The following SLIT3 variants were observed in gnomAD, a reference collection of about 807,000 sequenced individuals.
The protein encoded by SLIT3 is slit guidance ligand 3, also known as slit homolog 3 protein.
In SLIT3, 68 loss-of-function variants were observed where a neutral mutation model predicts 184.0. The observed-to-expected ratio is 0.37, with a 90% CI of 0.30 to 0.45. SLIT3 has a LOEUF of 0.45. Ranked by LOEUF, SLIT3 falls within the 20% of genes least tolerant of loss-of-function variation. The pLI is 1.00. For missense variants in SLIT3, 1,707 were observed against 2,026.0 expected, an observed-to-expected ratio of 0.84 and a Z score of 3.02; for synonymous variants, 831 against 828.6, an observed-to-expected ratio of 1.00 and a Z score of -0.05.
At chr5:168,994,088 A>T (rs1386438565) in intron 4 of SLIT3, 1 of 152,166 alleles carries the variant, frequency 6.6e-6, no homozygotes, top group African/African-American at 2.4e-5. Context: ...GAGACGGTGG[A>T]GAAGAAAAAG....
chr5:168,719,915 T>C (rs1762883095), intron 23 of SLIT3: 1 of 152,160 alleles, frequency 6.6e-6, no homozygotes, highest in South Asian at 2.1e-4. Context: ...CTATTAATTC[T>C]CTTTTTTTTT....
At chr5:169,106,658 A>T (rs61199466) in intron 4 of SLIT3, among the ~76,000 whole-genome samples, 3,753 of 152,228 alleles carry the variant, frequency 0.025, 90 homozygotes, top group East Asian at 0.067. Flanking sequence ...GCTACTGTAC[A>T]TACTGCATCC....
At chr5:169,179,032 TTGG>T (rs1763067740) in intron 4 of SLIT3, among the ~76,000 whole-genome samples, 1 of 152,108 alleles carries the variant, frequency 6.6e-6, no homozygotes, top group Non-Finnish European at 1.5e-5. Flanking sequence ...AAACAGTAGG[TTGG>T]TGGTACAGCT....
In SLIT3 at chr5:168,844,672, G is replaced by A; in HGVS notation, c.486-17C>T. 6.2e-7 allele frequency: 1 copy of A among 1,613,910 alleles called. No homozygotes were observed. The highest frequency in any genetic ancestry group is 8.5e-7 in the Non-Finnish European group (1 of 1,179,866). ...TCCAGTTGCCTGTGGAAAAGCAGGG[G>A]AGAGCATGAAGGCTGAGCGGGGGCA... On this transcript the variant is annotated splice_polypyrimidine_tract_variant and intron_variant, in intron 5 of 35. Transcript: ENST00000519560.
At chr5:169,038,369 C>G (rs1485378578) in intron 4 of SLIT3, among the ~76,000 whole-genome samples, 1 of 152,176 alleles carries the variant, frequency 6.6e-6, no homozygotes. Flanking sequence ...ACAATGTACA[C>G]ATATGGAATA....
chr5:168,781,891 C>T (rs1445707414), intron 12 of SLIT3, among the ~76,000 whole-genome samples: 1 of 152,192 alleles, frequency 6.6e-6, no homozygotes, highest in East Asian at 1.9e-4. Context: ...AGTCACTTAA[C>T]CCTCAGTTTC....
intron 1 of SLIT3, among the ~76,000 whole-genome samples, chr5:169,265,174 A>G (rs2113621183): frequency 6.6e-6 from 1 of 152,124 alleles, no homozygotes; most frequent in South Asian, 2.1e-4. Context: ...CAAACAAACA[A>G]ACAAACAAAA....
chr5:168,799,011 G>T (rs1561939208), intron 9 of SLIT3, among the ~76,000 whole-genome samples: 1 of 152,194 alleles, frequency 6.6e-6, no homozygotes, highest in Non-Finnish European at 1.5e-5. Context: ...ACCAGGCTTT[G>T]CTGAATGCCA....
At chr5:168,815,809 GGAGTCCAGCA>G (rs1156706131) in intron 8 of SLIT3, among the ~76,000 whole-genome samples, 1 of 152,184 alleles carries the variant, frequency 6.6e-6, no homozygotes, top group Non-Finnish European at 1.5e-5. Context: ...TGGCCATACT[GGAGTCCAGCA>G]GCCCATGCTG....
At chr5:168,906,044 T>C (rs1761041867) in intron 4 of SLIT3, among the ~76,000 whole-genome samples, 1 of 152,154 alleles carries the variant, frequency 6.6e-6, no homozygotes, top group Admixed American at 6.6e-5. Context: ...CAAGCCCGAA[T>C]TTCCACCCCA....
At chr5:169,250,910 A>T (rs1413029588) in intron 2 of SLIT3, among the ~76,000 whole-genome samples, 1 of 152,186 alleles carries the variant, frequency 6.6e-6, no homozygotes, top group Non-Finnish European at 1.5e-5. Flanking sequence ...TGCCCATTTC[A>T]AATTTTGCTA....
At chr5:168,795,032 C>T (rs1002863249) in intron 10 of SLIT3, among the ~76,000 whole-genome samples, 1 of 152,208 alleles carries the variant, frequency 6.6e-6, no homozygotes, top group Non-Finnish European at 1.5e-5. Flanking sequence ...GGTTTCTGTT[C>T]ACTGCTCTAT....
intron 4 of SLIT3, among the ~76,000 whole-genome samples, chr5:168,902,248 C>T (rs1414002825): frequency 6.6e-6 from 1 of 152,180 alleles, no homozygotes; most frequent in African/African-American, 2.4e-5. Flanking sequence ...TATTAACGAA[C>T]ATTTGTTAAA....
chr5:169,129,196 G>A (rs1761195938), intron 4 of SLIT3, among the ~76,000 whole-genome samples: 1 of 152,144 alleles, frequency 6.6e-6, no homozygotes, highest in African/African-American at 2.4e-5. Flanking sequence ...TGAGTAAGAT[G>A]CCCCTCTCTA....
chr5:168,833,826 C>T lies in SLIT3; in HGVS notation c.558-10495G>A, dbSNP rs149893127. Among the ~76,000 whole-genome samples, 1,348 of 151,654 alleles carry T rather than the reference C, an allele frequency of 8.9e-3. 5 individuals carry two copies. Among genetic ancestry groups the T allele is most frequent in the African/African-American group, 0.02 (809 of 41,358 alleles). On this transcript the variant is annotated intron_variant, in intron 6 of 35. Transcript: ENST00000519560. ...TCATTTAACCTTTGTGAGGGAGTTTCTTTTTTTTTAAATGAAGTGGTGGAA... is the reference window on the plus strand; with the variant it reads ...TCATTTAACCTTTGTGAGGGAGTTTTTTTTTTTTTAAATGAAGTGGTGGAA...
intron 3 of SLIT3, among the ~76,000 whole-genome samples, chr5:169,214,447 A>G (rs543759755): frequency 3.7e-4 from 57 of 152,336 alleles, no homozygotes; most frequent in African/African-American, 1.4e-3. Context: ...GGAAGTGGCA[A>G]CAACCAAGGC....
At chr5:168,838,806 A>G (rs1340885803) in intron 6 of SLIT3, among the ~76,000 whole-genome samples, 7 of 152,034 alleles carry the variant, frequency 4.6e-5, no homozygotes, top group Admixed American at 4.6e-4. Context: ...GCATCAGGCC[A>G]CGTTGAACCC....
intron 18 of SLIT3, among the ~76,000 whole-genome samples, chr5:168,750,666 A>C (rs912251672): frequency 2.0e-5 from 3 of 152,164 alleles, no homozygotes; most frequent in Non-Finnish European, 4.4e-5. Flanking sequence ...AGGAGGGGCT[A>C]AATATGGACT....
rs1479008389 is a variant in SLIT3 at position 168,665,316 on chromosome 5, G to A, written c.*1138C>T. On this transcript the variant is annotated 3_prime_UTR_variant, in exon 36 of 36. Coordinates refer to ENST00000519560, the MANE Select transcript of SLIT3 (RefSeq NM_003062.4). ...GTCTCTATCGTCATGCTGGTGACCT[G>A]GAGGATCAGGTGGCAGAGGCCTGTC... is the stretch of plus-strand genomic sequence containing the variant. 1 of 152,192 alleles carries A rather than the reference G, an allele frequency of 6.6e-6. No homozygotes were observed. Among genetic ancestry groups the A allele is most frequent in the Non-Finnish European group, 1.5e-5 (1 of 68,072 alleles). 9.4% of individuals were successfully genotyped at this position (152,192 alleles called of 1,614,324 possible).
Sources: allele counts gnomAD v4.1 joint callset (sites outside exome capture counted in the v4.1 genomes callset), GRCh38; gene constraint gnomAD v4.1.1; transcripts MANE v1.5; gene names NCBI Gene and HGNC (gene_info 2026-07-23, HGNC 2026-07-21).